Variants in ZNF654 observed in about 807,000 individuals in gnomAD.
ZNF654 encodes the protein zinc finger protein 654, also known as melanoma-associated antigen.
In ZNF654, 19 loss-of-function variants were observed where a neutral mutation model predicts 95.3. The observed-to-expected ratio is 0.20, with a 90% CI of 0.14 to 0.29. The LOEUF (loss-of-function observed/expected upper bound fraction) is 0.29. Ranked by LOEUF, ZNF654 falls within the 10% of genes least tolerant of loss-of-function variation. The pLI is 1.00. For synonymous variants in ZNF654, 413 were observed against 457.9 expected (o/e 0.90, Z 1.25); for missense variants, 1,046 against 1,341.0 (o/e 0.78, Z 3.44).
At chr3:88,110,789 T>G (rs182518311) in intron 2 of ZNF654, among the ~76,000 whole-genome samples, 89 of 152,278 alleles carry the variant, frequency 5.8e-4, no homozygotes, top group Non-Finnish European at 7.9e-4. Context: ...ATTCTACGTG[T>G]ATTTCAGATT....
At chr3:88,122,230 G>GA (rs1265289458) in intron 3 of ZNF654, among the ~76,000 whole-genome samples, 1 of 152,166 alleles carries the variant, frequency 6.6e-6, no homozygotes, top group East Asian at 1.9e-4. Context: ...GCATAGGTAA[G>GA]AAAAGACAAG....
In ZNF654 at chr3:88,126,287, A is replaced by G. The variant is rs1706092935; in HGVS notation, c.550+18A>G. On this transcript the variant is annotated intron_variant, in intron 4 of 8. Transcript: ENST00000636215. Reference sequence around the variant, plus strand: ...GGAGATAGGTACTTCAGGAGATTCAAAATCAAACCAACATTTGTGAGAAGC... The same window carrying G: ...GGAGATAGGTACTTCAGGAGATTCAGAATCAAACCAACATTTGTGAGAAGC... 2.1e-6 allele frequency: 3 copies of G among 1,451,746 alleles called. No homozygotes were observed. The highest frequency in any genetic ancestry group is 2.7e-6 in the Non-Finnish European group (3 of 1,103,168). The allele number at this position is 1,451,746 out of a possible 1,614,324, so 89.9% of individuals were successfully genotyped here.
chr3:88,118,340 C>T (rs778177347), intron 3 of ZNF654, among the ~76,000 whole-genome samples: 52 of 152,000 alleles, frequency 3.4e-4, no homozygotes, highest in Non-Finnish European at 3.7e-4. Context: ...GGAGGCTCAA[C>T]GCTATCTCAC....
At chr3:88,064,416 C>G (rs1258987451) in intron 1 of ZNF654, among the ~76,000 whole-genome samples, 1 of 152,106 alleles carries the variant, frequency 6.6e-6, no homozygotes, top group Non-Finnish European at 1.5e-5. Context: ...CTCTTTGTGT[C>G]CAAATGTTCA....
intron 1 of ZNF654, among the ~76,000 whole-genome samples, chr3:88,078,150 G>GAT (rs1475826996): frequency 6.6e-6 from 1 of 152,130 alleles, no homozygotes; most frequent in Non-Finnish European, 1.5e-5. Flanking sequence ...GTAGGGTTTT[G>GAT]ATATATATTC....
intron 3 of ZNF654, among the ~76,000 whole-genome samples, chr3:88,115,113 G>A (rs1470656617): frequency 6.6e-6 from 1 of 152,136 alleles, no homozygotes; most frequent in East Asian, 1.9e-4. Flanking sequence ...TGTACATAAA[G>A]ATCACCTGGG....
chr3:88,099,041 A>G (rs920111240), intron 2 of ZNF654, among the ~76,000 whole-genome samples: 5 of 152,312 alleles, frequency 3.3e-5, no homozygotes, highest in African/African-American at 9.6e-5. Context: ...GAGGAAGTCA[A>G]ATTGTCCCTG....
In ZNF654 at chr3:88,059,517, G is replaced by A. The variant is rs1706714672; in HGVS notation, c.186+12G>A. The A allele has an allele frequency of 2.1e-6, 3 of 1,463,028 alleles. No homozygotes were observed. Among genetic ancestry groups the A allele is most frequent in the African/African-American group, 2.9e-5 (2 of 70,112 alleles). The allele number at this position is 1,463,028 out of a possible 1,614,324, so 90.6% of individuals were successfully genotyped here. On this transcript the variant is annotated intron_variant, in intron 1 of 8. Transcript: ENST00000636215. ...GACGCTTCTGTCAGGTGAGGCGTCC[G>A]TTGGCCGCCCCGACTTGTCACCCGG... is the stretch of plus-strand genomic sequence containing the variant.
At position 88,139,948 on chromosome 3, in the gene ZNF654, T is replaced by C. The variant is rs1707017766; in HGVS notation, c.2279T>C (p.Ile760Thr). 6 of 1,613,742 alleles carry C rather than the reference T, an allele frequency of 3.7e-6. No homozygotes were observed. Among genetic ancestry groups the C allele is most frequent in the East Asian group, 2.2e-5 (1 of 44,868 alleles). Reference sequence around the variant, plus strand: ...GGTTGTGTCCGGATATTTAAAAGAATTGGGTTTCTAAATAAACATGCAATG... The same window carrying C: ...GGTTGTGTCCGGATATTTAAAAGAACTGGGTTTCTAAATAAACATGCAATG... ...ALGCVRIFKR[I>T]GFLNKHAMTV... Residue 760 changes from isoleucine (I) to threonine (T), a missense_variant, in exon 8 of 9, where the codon ATT (isoleucine) becomes ACT (threonine). By Grantham distance (89) the Ile-to-Thr change is moderately conservative. Around this residue, in one of 9 missense-constraint regions of ZNF654, gnomAD observed 495 missense variants for 537.0 expected, o/e 0.92. Coordinates refer to ENST00000636215, the MANE Select transcript of ZNF654 (RefSeq NM_001350134.2).
At chr3:88,063,192 C>A (rs1004415547) in intron 1 of ZNF654, among the ~76,000 whole-genome samples, 13 of 152,084 alleles carry the variant, frequency 8.5e-5, no homozygotes, top group African/African-American at 3.1e-4. Context: ...TCCTGCAGTG[C>A]ACAGGATGGC....
rs188254461 is a variant in ZNF654 at position 88,132,766 on chromosome 3, G to C, written c.894-2295G>C. Among the ~76,000 whole-genome samples the C allele has an allele frequency of 3.9e-4, 59 of 152,286 alleles. 1 individual carries two copies. The South Asian group carries it at 4.1e-3, about 11-fold the overall frequency. On this transcript the variant is annotated intron_variant, in intron 6 of 8. Transcript: ENST00000636215. ...TATCTCTCTTAATTCTTTTAATAAA[G>C]ATGCTGAATAGGAATAATCCCAACC...
intron 1 of ZNF654, among the ~76,000 whole-genome samples, chr3:88,077,356 CG>C: frequency 7.2e-6 from 1 of 139,598 alleles, no homozygotes; most frequent in South Asian, 2.2e-4. Context: ...TTTTTTGAGA[CG>C]GAGTCTCGCT....
chr3:88,129,900 T>A (rs1159526807), intron 6 of ZNF654, 74 bp downstream of exon 6: 2 of 1,261,942 alleles, frequency 1.6e-6, no homozygotes, highest in Non-Finnish European at 2.0e-6. Context: ...TGAACTTTGT[T>A]TTTTACATTG....
chr3:88,085,522 TA>T (rs1708294407), intron 1 of ZNF654, among the ~76,000 whole-genome samples: 2 of 152,224 alleles, frequency 1.3e-5, no homozygotes, highest in Non-Finnish European at 2.9e-5. Flanking sequence ...GCAGTAGTTT[TA>T]GATGATGGAT....
chr3:88,141,157 G>A, intron 8 of ZNF654, 109 bp downstream of exon 8: 5 of 1,262,942 alleles, frequency 4.0e-6, no homozygotes, highest in Non-Finnish European at 4.3e-6. Context: ...TGTAGCACAG[G>A]TAGTGAAGCA....
At chr3:88,071,592 C>T (rs552419130) in intron 1 of ZNF654, among the ~76,000 whole-genome samples, 278 of 152,196 alleles carry the variant, frequency 1.8e-3, no homozygotes, top group African/African-American at 6.4e-3. Flanking sequence ...GCTGAGATCG[C>T]GCCACTGCAC....
chr3:88,141,093 A>G (rs760824712), intron 8 of ZNF654, 45 bp downstream of exon 8: 1 of 1,527,008 alleles, frequency 6.5e-7, no homozygotes, highest in South Asian at 1.3e-5. Flanking sequence ...AGAAAGAGAA[A>G]ATGGCATAAA....
chr3:88,087,461 C>T (rs2107665988), intron 2 of ZNF654, among the ~76,000 whole-genome samples: 1 of 152,212 alleles, frequency 6.6e-6, no homozygotes, highest in South Asian at 2.1e-4. Flanking sequence ...CTTCTGCCCT[C>T]CTAAGAACCC....
chr3:88,123,366 C>A (rs1285663388), intron 3 of ZNF654, among the ~76,000 whole-genome samples: 2 of 152,122 alleles, frequency 1.3e-5, no homozygotes, highest in Admixed American at 1.3e-4. Context: ...TAATTTTTAT[C>A]TTAGAAAAAT....
Sources: allele counts gnomAD v4.1 joint callset (sites outside exome capture counted in the v4.1 genomes callset), GRCh38; gene constraint gnomAD v4.1.1; regional missense constraint gnomAD v4.1.1; transcripts MANE v1.5; gene names NCBI Gene and HGNC (gene_info 2026-07-23, HGNC 2026-07-21).